UGT1A9: variants seen among roughly 807,000 people sequenced by gnomAD.
UGT1A9 encodes UDP glucuronosyltransferase family 1 member A9.
A neutral mutation model predicts 45.0 loss-of-function variants in UGT1A9; 35 were observed. That is an observed-to-expected ratio of 0.78 (90% confidence interval 0.59 to 1.03). UGT1A9 has a LOEUF of 1.03. Among genes scored for constraint, UGT1A9 ranks in the 50% least tolerant of loss-of-function variants. UGT1A9 has a pLI of 0.00. For synonymous variants in UGT1A9, 278 were observed against 250.6 expected (o/e 1.11, Z -1.03); for missense variants, 687 against 666.6 (o/e 1.03, Z -0.34).
At chr2:233,730,080 A>G (rs1159659352) in intron 1 of UGT1A9, 6 of 1,604,940 alleles carry the variant, frequency 3.7e-6, no homozygotes, top group Non-Finnish European at 5.1e-6. Context: ...TTCCATATTT[A>G]CTTATCTTTC....
chr2:233,722,990 G>A (rs976354785), intron 1 of UGT1A9, among the ~76,000 whole-genome samples: 13 of 147,090 alleles, frequency 8.8e-5, no homozygotes, highest in African/African-American at 3.0e-4. Flanking sequence ...CTGTCTCAGC[G>A]TGGCAGAGGC....
At chr2:233,754,816 C>A (rs1436374253) in intron 1 of UGT1A9, 2 of 1,325,550 alleles carry the variant, frequency 1.5e-6, no homozygotes, top group Admixed American at 3.9e-5. Context: ...GAAAAACCAC[C>A]CTCAAAAGCT....
At chr2:233,674,645 T>C (rs939691512) in intron 1 of UGT1A9, among the ~76,000 whole-genome samples, 1 of 117,198 alleles carries the variant, frequency 8.5e-6, no homozygotes, top group Non-Finnish European at 2.1e-5. Context: ...TGATTATAAA[T>C]ATCTTTTATG....
At chr2:233,758,920 TC>T (rs1167539865) in intron 1 of UGT1A9, among the ~76,000 whole-genome samples, 7 of 152,264 alleles carry the variant, frequency 4.6e-5, no homozygotes, top group African/African-American at 1.7e-4. Flanking sequence ...TGCTCATCTT[TC>T]CCTTTTGACT....
Position 233,760,582 on chromosome 2 carries a change from GT to G in UGT1A9, c.856-6447del. ...GTCTTTTGTTAGTCTCGGGCATAATGTTTTTGAGAATGATTCTTTCCTGCAG... is the reference window on the plus strand; with the variant it reads ...GTCTTTTGTTAGTCTCGGGCATAATGTTTTGAGAATGATTCTTTCCTGCAG... On this transcript the variant is annotated intron_variant, in intron 1 of 4. Coordinates refer to ENST00000354728, the MANE Select transcript of UGT1A9 (RefSeq NM_021027.3). 3 of 1,614,178 alleles carry G rather than the reference GT, an allele frequency of 1.9e-6. No homozygotes were observed. The highest frequency in any genetic ancestry group is 3.3e-4 in the Middle Eastern group (2 of 6,062).
At chr2:233,710,185 T>A (rs2076116992) in intron 1 of UGT1A9, among the ~76,000 whole-genome samples, 1 of 152,234 alleles carries the variant, frequency 6.6e-6, no homozygotes, top group Admixed American at 6.5e-5. Flanking sequence ...GATGGACATG[T>A]GGATAGTTTC....
rs1367170822 is a variant in UGT1A9 at position 233,772,461 on chromosome 2, GT to G, written c.1496del (p.Val499GlyfsTer43). The G allele has an allele frequency of 6.2e-7, 1 of 1,614,184 alleles. No individual in the cohort carries two copies. Among genetic ancestry groups the G allele is most frequent in the Non-Finnish European group, 8.5e-7 (1 of 1,180,040 alleles). On this transcript the variant is annotated frameshift_variant, in exon 5 of 5. Coordinates refer to ENST00000354728, the MANE Select transcript of UGT1A9 (RefSeq NM_021027.3). LOFTEE classifies it high-confidence loss of function. The stretch of plus-strand genomic sequence containing the variant: ...TTTCCTCTTGGCCGTCGTGCTGACA[GT>G]GGCCTTCATCACCTTTAAATGTTGT... ...IGFLLAVVLT[V>X]AFITFKCCAY...
intron 2 of UGT1A9, 111 bp downstream of exon 2, chr2:233,767,276 C>CGGAA (rs1699353550): frequency 6.3e-7 from 1 of 1,578,136 alleles, no homozygotes; most frequent in Non-Finnish European, 8.5e-7. Context: ...TTGGCTTTTC[C>CGGAA]CTGCCACTTC....
intron 1 of UGT1A9, among the ~76,000 whole-genome samples, chr2:233,711,944 G>A (rs1242729453): frequency 1.3e-5 from 2 of 152,214 alleles, no homozygotes; most frequent in East Asian, 1.9e-4. Flanking sequence ...AAAGGCACAC[G>A]TTTAATTCTC....
chr2:233,746,849 C>A (rs1171057380), intron 1 of UGT1A9, among the ~76,000 whole-genome samples: 1 of 151,698 alleles, frequency 6.6e-6, no homozygotes, highest in African/African-American at 2.4e-5. Flanking sequence ...CCTCTCAGAC[C>A]TCAGCTGCAG....
chr2:233,709,806 A>G (rs1242938864), intron 1 of UGT1A9, among the ~76,000 whole-genome samples: 1 of 152,186 alleles, frequency 6.6e-6, no homozygotes, highest in African/African-American at 2.4e-5. Context: ...TACATTTCTG[A>G]GTTGTAATGA....
rs564884584 is a variant in UGT1A9 at position 233,672,787 on chromosome 2, A to G, written c.853A>G (p.Met285Val). ...INCHQGKPLPMEFEAYINASG... is the reference protein window; with the variant it reads ...INCHQGKPLPVEFEAYINASG... Reference sequence around the variant, plus strand: ...CTGCCATCAGGGAAAGCCGTTGCCTATGGTAAGTTATCTCTCCTTTAGCAC... The same window carrying G: ...CTGCCATCAGGGAAAGCCGTTGCCTGTGGTAAGTTATCTCTCCTTTAGCAC... The change falls in exon 1 of 5, where the codon ATG becomes GTG. Residue 285 changes from methionine to valine, a missense_variant and splice_region_variant. Physicochemically the swap from Met to Val is conservative, Grantham distance 21 (BLOSUM62 1). Coordinates refer to ENST00000354728, the MANE Select transcript of UGT1A9 (RefSeq NM_021027.3). 4.3e-6 allele frequency: 7 copies of G among 1,613,082 alleles called. No individual in the cohort carries two copies. Among genetic ancestry groups the G allele is most frequent in the African/African-American group, 2.7e-5 (2 of 75,030 alleles).
Position 233,752,763 on chromosome 2 carries a change from A to C in UGT1A9, c.856-14271A>C, listed in dbSNP as rs182475075. Among the ~76,000 whole-genome samples, 215 of 152,376 alleles carry C rather than the reference A, an allele frequency of 1.4e-3. 1 individual carries two copies. Among genetic ancestry groups the C allele is most frequent in the African/African-American group, 4.9e-3 (204 of 41,592 alleles). On this transcript the variant is annotated intron_variant, in intron 1 of 4. Coordinates refer to ENST00000354728, the MANE Select transcript of UGT1A9 (RefSeq NM_021027.3). Reference sequence around the variant, plus strand: ...CTGTCTCTAAAACAAACAAACAAACAAACAAACAATAACCAAACAAGCTTT... The same window carrying C: ...CTGTCTCTAAAACAAACAAACAAACCAACAAACAATAACCAAACAAGCTTT...
intron 1 of UGT1A9, among the ~76,000 whole-genome samples, chr2:233,692,500 C>A (rs1041698214): frequency 6.6e-6 from 1 of 152,058 alleles, no homozygotes; most frequent in African/African-American, 2.4e-5. Context: ...AGGACTGAGC[C>A]CTTAACCTGT....
intron 1 of UGT1A9, among the ~76,000 whole-genome samples, chr2:233,699,227 G>A (rs566093011): frequency 2.6e-5 from 4 of 152,078 alleles, no homozygotes; most frequent in South Asian, 2.1e-4. Flanking sequence ...AAACAAAAAC[G>A]AACTTTTGTT....
intron 1 of UGT1A9, among the ~76,000 whole-genome samples, chr2:233,757,672 G>A (rs1236186994): frequency 2.0e-5 from 3 of 151,168 alleles, no homozygotes; most frequent in Admixed American, 2.0e-4. Context: ...GGAAATTCAA[G>A]GAATTCAAGG....
chr2:233,684,227 C>T (rs754642033), intron 1 of UGT1A9, among the ~76,000 whole-genome samples: 7 of 152,108 alleles, frequency 4.6e-5, no homozygotes, highest in East Asian at 1.9e-4. Flanking sequence ...TGCAACCAAG[C>T]GCTTTCTAAA....
At chr2:233,747,626 C>T (rs546895525) in intron 1 of UGT1A9, 3 of 1,577,388 alleles carry the variant, frequency 1.9e-6, no homozygotes, top group Admixed American at 1.7e-5. Flanking sequence ...AGGCCCTGAT[C>T]AGGCACCTGA....
chr2:233,706,366 C>T (rs775485067), intron 1 of UGT1A9, among the ~76,000 whole-genome samples: 1 of 152,190 alleles, frequency 6.6e-6, no homozygotes, highest in East Asian at 1.9e-4. Context: ...CCAATTTAGG[C>T]CATTGTACAA....
Sources: allele counts gnomAD v4.1 joint callset (sites outside exome capture counted in the v4.1 genomes callset), GRCh38; gene constraint gnomAD v4.1.1; transcripts MANE v1.5; gene names NCBI Gene and HGNC (gene_info 2026-07-23, HGNC 2026-07-21).